SPATA6L: variants seen among roughly 807,000 people sequenced by gnomAD.
SPATA6L encodes the protein spermatogenesis associated 6-like protein.
SPATA6L carries 68 observed loss-of-function variants against 49.2 expected under a neutral mutation model. The observed-to-expected ratio is 1.38, with a 90% CI of 1.14 to 1.69. SPATA6L has a LOEUF of 1.69. Among genes scored for constraint, SPATA6L ranks in the 40% most tolerant of loss-of-function variants. SPATA6L has a pLI of 0.00. For missense variants in SPATA6L, 668 were observed against 464.3 expected, an observed-to-expected ratio of 1.44 and a Z score of -4.03; for synonymous variants, 198 against 165.7, an observed-to-expected ratio of 1.19 and a Z score of -1.50.
chr9:4,606,017 C>T lies in SPATA6L; in HGVS notation c.996-577G>A, dbSNP rs368619296. 5.3e-5 allele frequency among the ~76,000 whole-genome samples: 8 copies of T among 152,160 alleles called. No individual in the cohort carries two copies. The South Asian group carries it at 1.7e-3, about 32-fold the overall frequency. On this transcript the variant is annotated intron_variant, in intron 9 of 11. Coordinates refer to ENST00000682582, the MANE Select transcript of SPATA6L (RefSeq NM_001353486.2). ...CACTCGGGAAGCGCAAGGGGTCAGG[C>T]AGTTCCCTTTCCGAGTCAAAGAAAG... is the stretch of plus-strand genomic sequence containing the variant.
chr9:4,640,214 G>C (rs1400722846), intron 3 of SPATA6L, among the ~76,000 whole-genome samples: 2 of 152,192 alleles, frequency 1.3e-5, no homozygotes, highest in African/African-American at 4.8e-5. Flanking sequence ...CTGTGGAACA[G>C]GATCACGCTG....
At chr9:4,611,542 G>C (rs527992249) in intron 9 of SPATA6L, among the ~76,000 whole-genome samples, 1 of 147,920 alleles carries the variant, frequency 6.8e-6, no homozygotes, top group East Asian at 2.0e-4. Flanking sequence ...GTAAACTATC[G>C]CAAGAACAAA....
chr9:4,623,919 A>G (rs955116772), intron 6 of SPATA6L, among the ~76,000 whole-genome samples: 1 of 152,236 alleles, frequency 6.6e-6, no homozygotes, highest in African/African-American at 2.4e-5. Flanking sequence ...GCCAGATGTC[A>G]TTATCCAGGC....
chr9:4,606,873 G>A (rs1291779151), intron 9 of SPATA6L, among the ~76,000 whole-genome samples: 2 of 144,754 alleles, frequency 1.4e-5, no homozygotes, highest in East Asian at 2.1e-4. Context: ...TCAAACCAAA[G>A]GCAAAGAAGC....
chr9:4,625,230 A>G, intron 6 of SPATA6L, 97 bp downstream of exon 6: 1 of 1,479,388 alleles, frequency 6.8e-7, no homozygotes, highest in Admixed American at 2.4e-5. Flanking sequence ...TTTATTGAAT[A>G]TTATTCATTT....
chr9:4,663,281 T>C (rs1455768346), intron 1 of SPATA6L: 3 of 1,604,280 alleles, frequency 1.9e-6, no homozygotes, highest in Admixed American at 3.4e-5. Flanking sequence ...TCATTGATTA[T>C]GGCACCAGGA....
chr9:4,623,206 G>A (rs1422884493), intron 6 of SPATA6L, among the ~76,000 whole-genome samples: 1 of 152,160 alleles, frequency 6.6e-6, no homozygotes, highest in East Asian at 1.9e-4. Flanking sequence ...CTTGAACCCG[G>A]GAGGCGAAGA....
chr9:4,654,869 C>T (rs752429271), intron 3 of SPATA6L, among the ~76,000 whole-genome samples: 5 of 132,128 alleles, frequency 3.8e-5, no homozygotes, highest in East Asian at 2.2e-4. Flanking sequence ...AACATTTGGG[C>T]GGGAAAGCAG....
At chr9:4,621,374 A>G (rs774781571) in intron 7 of SPATA6L, among the ~76,000 whole-genome samples, 5 of 152,202 alleles carry the variant, frequency 3.3e-5, no homozygotes, top group Non-Finnish European at 1.5e-5. Context: ...TAATAATACT[A>G]AGACATGATT....
intron 4 of SPATA6L, among the ~76,000 whole-genome samples, chr9:4,629,666 C>T (rs950217374): frequency 1.3e-5 from 2 of 151,042 alleles, no homozygotes; most frequent in African/African-American, 2.4e-5. Flanking sequence ...TTCATTAGAT[C>T]TAATTCCAAA....
rs1825567024 is a variant in SPATA6L, at chr9:4,607,448, G to A, written c.996-2008C>T. Among the ~76,000 whole-genome samples the A allele has an allele frequency of 2.6e-5, 4 of 152,300 alleles. No individual in the cohort carries two copies. The South Asian group carries it at 8.3e-4, about 32-fold the overall frequency. On this transcript the variant is annotated intron_variant, in intron 9 of 11. Coordinates refer to ENST00000682582, the MANE Select transcript of SPATA6L (RefSeq NM_001353486.2). ...CCATCAGACTAACAGCGGATCTCTT[G>A]GCAGAAACCCTACAAGCCAGAAGAG... is the stretch of plus-strand genomic sequence containing the variant.
intron 5 of SPATA6L, 38 bp from the exon 6 acceptor site, chr9:4,625,604 G>C: frequency 1.4e-6 from 2 of 1,382,530 alleles, no homozygotes; most frequent in South Asian, 1.6e-5. Flanking sequence ...TTAAAATAAA[G>C]AAAGAAAAGA....
At chr9:4,630,007 T>A (rs1231428237) in intron 4 of SPATA6L, among the ~76,000 whole-genome samples, 1 of 151,876 alleles carries the variant, frequency 6.6e-6, no homozygotes, top group Non-Finnish European at 1.5e-5. Context: ...CACAACTACA[T>A]GGATGGATCT....
chr9:4,620,111 AG>A (rs890255465), intron 7 of SPATA6L, among the ~76,000 whole-genome samples: 4 of 152,138 alleles, frequency 2.6e-5, no homozygotes, highest in African/African-American at 9.7e-5. Flanking sequence ...ACCTTGTCCC[AG>A]GAGCTCTCTT....
chr9:4,639,720 G>C (rs148186562), intron 3 of SPATA6L, among the ~76,000 whole-genome samples: 1 of 152,186 alleles, frequency 6.6e-6, no homozygotes, highest in Non-Finnish European at 1.5e-5. Context: ...ATCATCAATG[G>C]CATCAACGAA....
intron 13 of SPATA6L, among the ~76,000 whole-genome samples, chr9:4,592,102 G>T (rs1821938827): frequency 6.6e-6 from 1 of 152,104 alleles, no homozygotes; most frequent in Non-Finnish European, 1.5e-5. Flanking sequence ...ATCATCTGAG[G>T]TCAGGAGTTC....
chr9:4,618,960 C>A, intron 7 of SPATA6L, 62 bp from the exon 8 acceptor site: 1 of 1,479,598 alleles, frequency 6.8e-7, no homozygotes. Flanking sequence ...TTAAAACTGC[C>A]ATTATATTTA....
intron 3 of SPATA6L, chr9:4,646,341 A>C (rs1835368337): frequency 4.6e-6 from 2 of 432,890 alleles, no homozygotes; most frequent in East Asian, 7.2e-5. Flanking sequence ...GGCAGAAAAA[A>C]GGCATGTGTT....
At chr9:4,660,215 A>C (rs1251999591) in intron 2 of SPATA6L, among the ~76,000 whole-genome samples, 1 of 152,238 alleles carries the variant, frequency 6.6e-6, no homozygotes, top group African/African-American at 2.4e-5. Context: ...CTGCACAGCA[A>C]AAGAAACTAC....
Sources: allele counts gnomAD v4.1 joint callset (sites outside exome capture counted in the v4.1 genomes callset), GRCh38; gene constraint gnomAD v4.1.1; transcripts MANE v1.5; gene names NCBI Gene and HGNC (gene_info 2026-07-23, HGNC 2026-07-21).